MTUS2: variants seen among roughly 807,000 people sequenced by gnomAD.
MTUS2 encodes the protein microtubule associated scaffold protein 2.
Under a neutral mutation model 114.1 loss-of-function variants are expected in MTUS2, and 40 were observed. The observed-to-expected ratio is 0.35, with a 90% CI of 0.27 to 0.46. The LOEUF (loss-of-function observed/expected upper bound fraction) is 0.46. MTUS2 is among the 20% of genes least tolerant of loss of function. MTUS2 has a pLI of 1.00. For synonymous variants in MTUS2, 688 were observed against 672.0 expected, an observed-to-expected ratio of 1.02 and a Z score of -0.37; for missense variants, 1,679 against 1,705.4, an observed-to-expected ratio of 0.98 and a Z score of 0.27.
chr13:29,291,177 G>A (rs1030315654), intron 6 of MTUS2, among the ~76,000 whole-genome samples: 22 of 152,044 alleles, frequency 1.4e-4, no homozygotes, highest in Non-Finnish European at 1.5e-5. Flanking sequence ...CACAGAGCCC[G>A]CCTGGTAGAG....
intron 5 of MTUS2, among the ~76,000 whole-genome samples, chr13:29,242,953 A>G (rs1404149565): frequency 1.3e-5 from 2 of 152,172 alleles, no homozygotes; most frequent in East Asian, 1.9e-4. Context: ...GACTGGGTGT[A>G]TGGTCGATGG....
At chr13:28,863,450 A>G (rs895040988) in intron 2 of MTUS2, among the ~76,000 whole-genome samples, 13 of 152,182 alleles carry the variant, frequency 8.5e-5, no homozygotes, top group African/African-American at 2.7e-4. Context: ...ACGTTCTCAT[A>G]TAGCCCGAGG....
At position 29,496,125 on chromosome 13, in the gene MTUS2, C is replaced by A. The variant is rs1882539361; in HGVS notation, c.3580-1113C>A. On this transcript the variant is annotated intron_variant, in intron 12 of 15. Transcript: ENST00000612955. The surrounding 1 kb of genome is among the most constrained non-coding windows in gnomAD (Gnocchi z 4.3). ...TTTCCCAGCCTGTGGTCCTGAGAGT[C>A]ATGGCCAGAGCTGAGTGGGGCAGGG... Among the ~76,000 whole-genome samples, 1 of 152,154 alleles carries A rather than the reference C, an allele frequency of 6.6e-6. No homozygotes were observed. Among genetic ancestry groups the A allele is most frequent in the African/African-American group, 2.4e-5 (1 of 41,428 alleles).
chr13:29,201,252 A>G (rs1447311725), intron 5 of MTUS2, among the ~76,000 whole-genome samples: 1 of 151,924 alleles, frequency 6.6e-6, no homozygotes, highest in East Asian at 1.9e-4. Flanking sequence ...TGATCCCTTT[A>G]TCACTATGTA....
chr13:29,051,986 A>C (rs994429804), intron 4 of MTUS2, among the ~76,000 whole-genome samples: 1 of 152,244 alleles, frequency 6.6e-6, no homozygotes, highest in African/African-American at 2.4e-5. Context: ...CAACACTCAC[A>C]TGCAGAACTT....
At chr13:28,860,406 C>T (rs1225910533) in intron 2 of MTUS2, among the ~76,000 whole-genome samples, 1 of 152,160 alleles carries the variant, frequency 6.6e-6, no homozygotes, top group Non-Finnish European at 1.5e-5. Flanking sequence ...GTACCATCAC[C>T]AGGCCGGAAT....
chr13:29,020,781 A>C (rs1004488757), intron 2 of MTUS2, among the ~76,000 whole-genome samples: 2 of 151,030 alleles, frequency 1.3e-5, no homozygotes, highest in Non-Finnish European at 1.5e-5. Flanking sequence ...CAGCTCTGCC[A>C]CTCATGAGCT....
At chr13:29,091,415 A>G (rs1440427419) in intron 4 of MTUS2, among the ~76,000 whole-genome samples, 2 of 152,176 alleles carry the variant, frequency 1.3e-5, no homozygotes, top group Admixed American at 6.5e-5. Context: ...GGCAACAGCA[A>G]CTAAGATATT....
At chr13:29,254,522 G>A (rs1038580495) in intron 5 of MTUS2, among the ~76,000 whole-genome samples, 3 of 152,364 alleles carry the variant, frequency 2.0e-5, no homozygotes, top group East Asian at 1.9e-4. Context: ...TGTGTGCCAC[G>A]TGGCCGTGTT....
At chr13:29,028,085 G>A (rs535593065) in intron 3 of MTUS2, among the ~76,000 whole-genome samples, 3 of 143,654 alleles carry the variant, frequency 2.1e-5, no homozygotes, top group Non-Finnish European at 4.4e-5. Flanking sequence ...CAAGGACAGC[G>A]GCTCACACCT....
At chr13:28,989,075 G>T (rs1324388946) in intron 2 of MTUS2, among the ~76,000 whole-genome samples, 1 of 152,202 alleles carries the variant, frequency 6.6e-6, no homozygotes, top group Admixed American at 6.5e-5. Context: ...CTTGTCAGCA[G>T]TTTCATTGGC....
chr13:29,422,216 A>G (rs547887150), intron 8 of MTUS2, among the ~76,000 whole-genome samples: 1 of 152,208 alleles, frequency 6.6e-6, no homozygotes, highest in Non-Finnish European at 1.5e-5. Flanking sequence ...GGCTTAAGAC[A>G]TAAGCTTTAG....
chr13:29,231,199 A>G (rs1345462607), intron 5 of MTUS2, among the ~76,000 whole-genome samples: 1 of 152,230 alleles, frequency 6.6e-6, no homozygotes, highest in African/African-American at 2.4e-5. Context: ...AAATGTTGTT[A>G]TTGAATATTA....
At chr13:28,827,769 A>T (rs1401604392) in intron 1 of MTUS2, among the ~76,000 whole-genome samples, 6 of 152,186 alleles carry the variant, frequency 3.9e-5, no homozygotes, top group African/African-American at 1.2e-4. Context: ...AAAACCAGCA[A>T]GTTTTTATTA....
chr13:29,282,193 AG>A (rs2139543796), intron 6 of MTUS2, among the ~76,000 whole-genome samples: 1 of 152,364 alleles, frequency 6.6e-6, no homozygotes, highest in South Asian at 2.1e-4. Context: ...ACTGTAGGAT[AG>A]CAAGCTTCAG....
intron 5 of MTUS2, among the ~76,000 whole-genome samples, chr13:29,137,408 A>G (rs1414863216): frequency 6.6e-6 from 1 of 151,118 alleles, no homozygotes; most frequent in Non-Finnish European, 1.5e-5. Flanking sequence ...CCAAATGGGG[A>G]TTTTTGGCCA....
intron 8 of MTUS2, among the ~76,000 whole-genome samples, chr13:29,370,863 A>C (rs1871133101): frequency 6.6e-6 from 1 of 152,264 alleles, no homozygotes; most frequent in South Asian, 2.1e-4. Context: ...CACTAATCAA[A>C]GGAAAATTGG....
intron 13 of MTUS2, among the ~76,000 whole-genome samples, chr13:29,498,204 C>T (rs1882673079): frequency 6.6e-6 from 1 of 152,194 alleles, no homozygotes; most frequent in Admixed American, 6.5e-5. Context: ...CTCACCTGTT[C>T]CCCCACAGAA....
At chr13:29,409,086 G>A (rs1566185030) in intron 8 of MTUS2, among the ~76,000 whole-genome samples, 1 of 152,170 alleles carries the variant, frequency 6.6e-6, no homozygotes. Flanking sequence ...TTGAGAGGCC[G>A]AGGCGGGTGG....
Sources: gnomAD v4.1 joint callset for allele counts (sites outside exome capture counted in the v4.1 genomes callset) on GRCh38, gnomAD v4.1.1 for gene constraint, Gnocchi (gnomAD v3.1) non-coding constraint, MANE v1.5 for transcripts, NCBI Gene and HGNC (gene_info 2026-07-23, HGNC 2026-07-21) for gene names.